The following DAB1 variants were observed in gnomAD, a reference collection of about 807,000 sequenced individuals.
The protein encoded by DAB1 is disabled homolog 1.
DAB1 carries 15 observed loss-of-function variants against 64.6 expected under a neutral mutation model. The ratio of observed to expected loss-of-function variants is 0.23; its 90% CI spans 0.16 to 0.36. DAB1 has a LOEUF of 0.36. Among genes scored for constraint, DAB1 ranks in the 10% least tolerant of loss-of-function variants. The probability of loss-of-function intolerance (pLI) is 1.00; values close to 1 mark genes in which losing one functional copy is unlikely to be tolerated. For missense variants in DAB1, 596 were observed against 706.7 expected (o/e 0.84, Z 1.78); for synonymous variants, 235 against 251.9 (o/e 0.93, Z 0.64).
downstream of DAB1, among the ~76,000 whole-genome samples, chr1:57,823,425 G>A (rs561804926): frequency 6.6e-5 from 10 of 152,234 alleles, no homozygotes; most frequent in East Asian, 1.2e-3. Flanking sequence ...ATGGCACACC[G>A]GACCCCATAA....
At chr1:57,351,149 C>T (rs1426042291) in intron 1 of DAB1, among the ~76,000 whole-genome samples, 4 of 152,166 alleles carry the variant, frequency 2.6e-5, no homozygotes, top group Non-Finnish European at 5.9e-5. Context: ...ATCGTTGAGT[C>T]ACTTGTTCAA....
At chr1:57,757,537 G>C (rs1405881882) in intron 6 of DAB1, among the ~76,000 whole-genome samples, 1 of 152,012 alleles carries the variant, frequency 6.6e-6, no homozygotes, top group Admixed American at 6.6e-5. Flanking sequence ...CAGTCATATG[G>C]TAATCTTCTC....
At chr1:58,256,229 G>A (rs573854968) in intron 4 of DAB1, among the ~76,000 whole-genome samples, 8 of 152,286 alleles carry the variant, frequency 5.3e-5, no homozygotes, top group South Asian at 4.1e-4. Context: ...ATGGGTGCAC[G>A]GTTGCCACGG....
intron 7 of DAB1, among the ~76,000 whole-genome samples, chr1:57,486,397 G>A (rs925229500): frequency 6.6e-6 from 1 of 152,186 alleles, no homozygotes; most frequent in Admixed American, 6.5e-5. Context: ...AGGAAATACA[G>A]CAAAGTGCTG....
At chr1:58,489,587 G>T (rs570050573) in intron 3 of DAB1, among the ~76,000 whole-genome samples, 1 of 152,348 alleles carries the variant, frequency 6.6e-6, no homozygotes, top group Admixed American at 6.5e-5. Context: ...CAGCTTAGAA[G>T]AGAGTAGTGG....
upstream of DAB1, among the ~76,000 whole-genome samples, chr1:57,427,158 C>T (rs1208413507): frequency 2.0e-5 from 3 of 152,190 alleles, no homozygotes; most frequent in South Asian, 4.1e-4. Context: ...CCACCACGCC[C>T]GGCCTAATAT....
chr1:57,653,801 C>T (rs972199659), intron 6 of DAB1, among the ~76,000 whole-genome samples: 14 of 151,974 alleles, frequency 9.2e-5, no homozygotes, highest in South Asian at 2.1e-4. Context: ...TTAGTAGAGA[C>T]GGGGTTCGCC....
chr1:57,319,561 G>A (rs1558158123), intron 1 of DAB1, among the ~76,000 whole-genome samples: 1 of 152,034 alleles, frequency 6.6e-6, no homozygotes, highest in Non-Finnish European at 1.5e-5. Flanking sequence ...CAGGTATTTT[G>A]TGTGACCTCT....
At chr1:57,546,098 TGC>T (rs1245256323) in intron 7 of DAB1, among the ~76,000 whole-genome samples, 1 of 139,532 alleles carries the variant, frequency 7.2e-6, no homozygotes, top group African/African-American at 2.8e-5. Context: ...TGTGTGTGTG[TGC>T]GCGCACGTGT....
chr1:58,336,130 G>A (rs2100499955), intron 4 of DAB1, among the ~76,000 whole-genome samples: 1 of 152,306 alleles, frequency 6.6e-6, no homozygotes, highest in East Asian at 1.9e-4. Flanking sequence ...CACGGGATCA[G>A]GCATGTAGTC....
chr1:57,233,568 G>A (rs989134408), intron 2 of DAB1, among the ~76,000 whole-genome samples: 1 of 151,902 alleles, frequency 6.6e-6, no homozygotes, highest in Non-Finnish European at 1.5e-5. Context: ...AGACCGGCCT[G>A]ACCAACATGG....
At chr1:57,407,100 G>A (rs1683702169) in intron 1 of DAB1, among the ~76,000 whole-genome samples, 1 of 152,196 alleles carries the variant, frequency 6.6e-6, no homozygotes, top group African/African-American at 2.4e-5. Flanking sequence ...CCCATCTAAA[G>A]TGAATTATGA....
chr1:58,539,980 T>C (rs1646579769), intron 1 of DAB1, among the ~76,000 whole-genome samples: 1 of 152,112 alleles, frequency 6.6e-6, no homozygotes, highest in African/African-American at 2.4e-5. Flanking sequence ...CCCTCCCATA[T>C]TCAGCTGAGT....
chr1:57,552,589 G>C, intron 7 of DAB1, among the ~76,000 whole-genome samples: 1 of 152,194 alleles, frequency 6.6e-6, no homozygotes. Flanking sequence ...CTAGGCACAG[G>C]AAACAGTGTA....
At chr1:57,196,068 G>A (rs1462399789) in intron 2 of DAB1, among the ~76,000 whole-genome samples, 1 of 152,118 alleles carries the variant, frequency 6.6e-6, no homozygotes, top group Non-Finnish European at 1.5e-5. Context: ...GGGAGAGTGG[G>A]ATGAAGAAGG....
chr1:57,552,513 A>C (rs923925877), intron 7 of DAB1, among the ~76,000 whole-genome samples: 1 of 152,220 alleles, frequency 6.6e-6, no homozygotes, highest in Non-Finnish European at 1.5e-5. Flanking sequence ...TAGTTCCTGG[A>C]AGATAGGATT....
At chr1:57,072,191 T>A in intron 5 of DAB1, 92 bp downstream of exon 5, 1 of 1,389,286 alleles carries the variant, frequency 7.2e-7, no homozygotes, top group African/African-American at 1.4e-5. Context: ...CTTGGTCATA[T>A]CTGAGAGTGG....
intron 6 of DAB1, among the ~76,000 whole-genome samples, chr1:57,660,378 G>A (rs1022926891): frequency 6.6e-6 from 1 of 152,096 alleles, no homozygotes; most frequent in South Asian, 2.1e-4. Flanking sequence ...CTGATCAGCC[G>A]GCCTCTTCTT....
chr1:58,186,390 A>C (rs1455784485), intron 4 of DAB1, among the ~76,000 whole-genome samples: 2 of 152,194 alleles, frequency 1.3e-5, no homozygotes, highest in African/African-American at 4.8e-5. Context: ...TTTTTGCTTA[A>C]ATTATTGTAT....
Sources: allele counts gnomAD v4.1 joint callset (sites outside exome capture counted in the v4.1 genomes callset), GRCh38; gene constraint gnomAD v4.1.1; transcripts MANE v1.5; gene names NCBI Gene and HGNC (gene_info 2026-07-23, HGNC 2026-07-21).